Variants in CSNK2A2IP observed in about 807,000 individuals in gnomAD.
CSNK2A2IP encodes the protein casein kinase 2 subunit alpha' interacting protein.
chr3:88,452,797 T>C, the CSNK2A2IP span, among the ~76,000 whole-genome samples: 1 of 152,140 alleles, frequency 6.6e-6, no homozygotes, highest in African/African-American at 2.4e-5. Flanking sequence ...GCTTACAAGA[T>C]TGGTTAGCAT....
chr3:88,389,692 T>G, the CSNK2A2IP span, among the ~76,000 whole-genome samples: 1 of 152,060 alleles, frequency 6.6e-6, no homozygotes. Context: ...TGCACTAGTG[T>G]ATTGGGGGCA....
the CSNK2A2IP span, among the ~76,000 whole-genome samples, chr3:88,346,036 C>T: frequency 6.6e-6 from 1 of 151,854 alleles, no homozygotes; most frequent in African/African-American, 2.4e-5. Flanking sequence ...AGCCTTATTG[C>T]TGATATGGAG....
the CSNK2A2IP span, among the ~76,000 whole-genome samples, chr3:88,398,044 A>C: frequency 3.3e-5 from 5 of 152,152 alleles, no homozygotes; most frequent in Non-Finnish European, 7.4e-5. Flanking sequence ...CTGACAACCT[A>C]CAGGAAAAAA....
At chr3:88,339,960 T>A in the CSNK2A2IP span, among the ~76,000 whole-genome samples, 7 of 151,992 alleles carry the variant, frequency 4.6e-5, no homozygotes, top group Non-Finnish European at 8.8e-5. Context: ...TCTACCTATC[T>A]AAAATTGTAA....
chr3:88,395,965 G>C, the CSNK2A2IP span, among the ~76,000 whole-genome samples: 1 of 152,106 alleles, frequency 6.6e-6, no homozygotes, highest in Non-Finnish European at 1.5e-5. Context: ...GCTGTATGTA[G>C]TTGCTTGTTT....
At chr3:88,350,962 G>C in the CSNK2A2IP span, among the ~76,000 whole-genome samples, 1 of 152,116 alleles carries the variant, frequency 6.6e-6, no homozygotes, top group Non-Finnish European at 1.5e-5. Flanking sequence ...TTGATTTTCT[G>C]TCAGGCAGAA....
At chr3:88,342,323 A>G in the CSNK2A2IP span, among the ~76,000 whole-genome samples, 1 of 152,062 alleles carries the variant, frequency 6.6e-6, no homozygotes, top group Non-Finnish European at 1.5e-5. Context: ...TAAACCTATC[A>G]TGGCCCACAC....
chr3:88,360,976 A>C, the CSNK2A2IP span, among the ~76,000 whole-genome samples: 2 of 152,108 alleles, frequency 1.3e-5, no homozygotes, highest in African/African-American at 4.8e-5. Context: ...CAAAGAGAAA[A>C]CTAAGACTCT....
At chr3:88,383,353 A>G in the CSNK2A2IP span, among the ~76,000 whole-genome samples, 10 of 152,388 alleles carry the variant, frequency 6.6e-5, no homozygotes, top group African/African-American at 2.4e-4. Flanking sequence ...AGGCAATTTT[A>G]TATCTTTCTG....
the CSNK2A2IP span, among the ~76,000 whole-genome samples, chr3:88,410,187 C>A: frequency 6.6e-6 from 1 of 152,114 alleles, no homozygotes; most frequent in African/African-American, 2.4e-5. Context: ...AGGCTCTGTG[C>A]ATGAAATCAT....
chr3:88,387,670 T>C, the CSNK2A2IP span, among the ~76,000 whole-genome samples: 32 of 152,312 alleles, frequency 2.1e-4, no homozygotes, highest in Non-Finnish European at 4.0e-4. Context: ...TTTAAAAATA[T>C]TTTAAGTATA....
At chr3:88,448,058 G>A in the CSNK2A2IP span, among the ~76,000 whole-genome samples, 266 of 152,178 alleles carry the variant, frequency 1.7e-3, 1 homozygote, top group African/African-American at 5.9e-3. Flanking sequence ...TATGTTTTCC[G>A]CATTTCCGGT....
chr3:88,431,531 C>T, the CSNK2A2IP span, among the ~76,000 whole-genome samples: 1 of 151,982 alleles, frequency 6.6e-6, no homozygotes, highest in Non-Finnish European at 1.5e-5. Context: ...GATGGGTGCA[C>T]CAAAATCTCG....
the CSNK2A2IP span, among the ~76,000 whole-genome samples, chr3:88,350,175 A>G: frequency 6.6e-6 from 1 of 152,108 alleles, no homozygotes; most frequent in Non-Finnish European, 1.5e-5. Context: ...CTCTTTCTTC[A>G]GCCAAGGACA....
At chr3:88,462,966 GA>G in the CSNK2A2IP span, among the ~76,000 whole-genome samples, 1 of 152,094 alleles carries the variant, frequency 6.6e-6, no homozygotes, top group Non-Finnish European at 1.5e-5. Context: ...TGTAAGGCTT[GA>G]AAAACAAGTG....
At chr3:88,340,129 A>C in the CSNK2A2IP span, among the ~76,000 whole-genome samples, 2 of 151,984 alleles carry the variant, frequency 1.3e-5, no homozygotes, top group Non-Finnish European at 2.9e-5. Flanking sequence ...TGTGATTATG[A>C]CTTGTTGAGA....
At chr3:88,455,395 A>G in the CSNK2A2IP span, among the ~76,000 whole-genome samples, 1 of 151,944 alleles carries the variant, frequency 6.6e-6, no homozygotes, top group African/African-American at 2.4e-5. Flanking sequence ...GATAAAAGCC[A>G]TTCTAACAGG....
the CSNK2A2IP span, among the ~76,000 whole-genome samples, chr3:88,365,832 G>A: frequency 6.6e-6 from 1 of 152,052 alleles, no homozygotes; most frequent in African/African-American, 2.4e-5. Flanking sequence ...TTTCTTGGCT[G>A]TTGATTTAAT....
chr3:88,389,047 T>C, the CSNK2A2IP span, among the ~76,000 whole-genome samples: 2 of 152,154 alleles, frequency 1.3e-5, no homozygotes, highest in South Asian at 4.1e-4. Context: ...GTGCCCTCAT[T>C]TGCTTATATT....
Sources: gnomAD v4.1 joint callset for allele counts (sites outside exome capture counted in the v4.1 genomes callset) on GRCh38, gnomAD v4.1.1 for gene constraint, MANE v1.5 for transcripts, NCBI Gene and HGNC (gene_info 2026-07-23, HGNC 2026-07-21) for gene names.